The following CNTNAP2 variants were observed in gnomAD, a reference collection of about 807,000 sequenced individuals.
CNTNAP2 encodes the protein contactin-associated protein-like 2.
CNTNAP2 carries 98 observed loss-of-function variants against 155.2 expected under a neutral mutation model. That is an observed-to-expected ratio of 0.63 (90% CI 0.54 to 0.75). The LOEUF (loss-of-function observed/expected upper bound fraction) is 0.75, where lower values mean the gene tolerates loss of function less well. Among genes scored for constraint, CNTNAP2 ranks in the 30% least tolerant of loss-of-function variants. The probability of loss-of-function intolerance (pLI) is 0.00; values close to 1 mark genes in which losing one functional copy is unlikely to be tolerated. For missense variants in CNTNAP2, 1,727 were observed against 1,688.1 expected, an observed-to-expected ratio of 1.02 and a Z score of -0.40; for synonymous variants, 651 against 631.2, an observed-to-expected ratio of 1.03 and a Z score of -0.47.
intron 4 of CNTNAP2, among the ~76,000 whole-genome samples, chr7:147,099,622 A>C (rs1800615496): frequency 6.6e-6 from 1 of 152,200 alleles, no homozygotes; most frequent in East Asian, 1.9e-4. Context: ...ATATAGTATC[A>C]AAATTTGGAC....
chr7:147,257,787 A>G (rs1804366118), intron 8 of CNTNAP2, among the ~76,000 whole-genome samples: 1 of 152,244 alleles, frequency 6.6e-6, no homozygotes, highest in Non-Finnish European at 1.5e-5. Context: ...ATGACTCACT[A>G]TAGAATCCAG....
intron 1 of CNTNAP2, among the ~76,000 whole-genome samples, chr7:146,587,824 G>A (rs533354236): frequency 2.9e-4 from 44 of 151,942 alleles, no homozygotes; most frequent in Admixed American, 7.2e-4. Context: ...ACAGGTGCAC[G>A]CCACCATGCC....
intron 1 of CNTNAP2, among the ~76,000 whole-genome samples, chr7:146,271,415 T>A (rs1304838024): frequency 6.6e-6 from 1 of 151,988 alleles, no homozygotes; most frequent in Non-Finnish European, 1.5e-5. Context: ...TTTTACAAAT[T>A]TCTGTAATAT....
intron 3 of CNTNAP2, among the ~76,000 whole-genome samples, chr7:146,859,731 C>G (rs146169624): frequency 6.6e-6 from 1 of 152,114 alleles, no homozygotes; most frequent in Non-Finnish European, 1.5e-5. Flanking sequence ...AATTCCACCT[C>G]CAACCCAACT....
At chr7:148,122,866 G>A (rs75361700) in intron 16 of CNTNAP2, among the ~76,000 whole-genome samples, 2,267 of 149,038 alleles carry the variant, frequency 0.015, 75 homozygotes, top group African/African-American at 0.054. Context: ...AAAAAAAAAA[G>A]AAAAAAAAAG....
intron 1 of CNTNAP2, among the ~76,000 whole-genome samples, chr7:146,732,598 A>T (rs557287737): frequency 6.6e-6 from 1 of 152,106 alleles, no homozygotes; most frequent in Non-Finnish European, 1.5e-5. Flanking sequence ...TCTGTTCCAG[A>T]TGATAGATTT....
chr7:147,255,073 A>G (rs1354192349), intron 8 of CNTNAP2, among the ~76,000 whole-genome samples: 2 of 152,244 alleles, frequency 1.3e-5, no homozygotes, highest in African/African-American at 4.8e-5. Flanking sequence ...AAGTGTGCAT[A>G]GATAATGATC....
intron 12 of CNTNAP2, among the ~76,000 whole-genome samples, chr7:147,638,137 A>G (rs1795211877): frequency 6.6e-6 from 1 of 152,152 alleles, no homozygotes; most frequent in South Asian, 2.1e-4. Context: ...ATTCTTGTTG[A>G]TGTTCAGATT....
intron 8 of CNTNAP2, among the ~76,000 whole-genome samples, chr7:147,194,683 G>A (rs1247946664): frequency 2.2e-4 from 34 of 152,130 alleles, no homozygotes; most frequent in Admixed American, 2.2e-3. Flanking sequence ...CAGTGACGTT[G>A]AGCTTTTTTT....
At chr7:148,279,749 T>TC (rs1796939645) in intron 21 of CNTNAP2, among the ~76,000 whole-genome samples, 1 of 152,084 alleles carries the variant, frequency 6.6e-6, no homozygotes, top group Non-Finnish European at 1.5e-5. Context: ...AGAATATATC[T>TC]CCATTATAAA....
intron 1 of CNTNAP2, among the ~76,000 whole-genome samples, chr7:146,652,801 A>T (rs1394011860): frequency 2.0e-5 from 3 of 152,164 alleles, no homozygotes; most frequent in Non-Finnish European, 4.4e-5. Context: ...TTGATTTGAC[A>T]TTATAATTTT....
At chr7:148,346,709 T>A (rs1798332802) in intron 21 of CNTNAP2, among the ~76,000 whole-genome samples, 1 of 150,358 alleles carries the variant, frequency 6.7e-6, no homozygotes, top group East Asian at 2.0e-4. Context: ...GAGGCGGAGG[T>A]TGCAGTTAGC....
At chr7:148,305,398 A>C (rs1171074448) in intron 21 of CNTNAP2, among the ~76,000 whole-genome samples, 1 of 152,174 alleles carries the variant, frequency 6.6e-6, no homozygotes, top group East Asian at 1.9e-4. Flanking sequence ...CAGCCAATAT[A>C]AGAGGAACTC....
intron 9 of CNTNAP2, among the ~76,000 whole-genome samples, chr7:147,375,600 G>A (rs771043877): frequency 1.3e-5 from 2 of 151,948 alleles, no homozygotes; most frequent in African/African-American, 2.4e-5. Flanking sequence ...ACATTCTGCC[G>A]CTTTTCATGA....
chr7:146,333,857 T>C (rs993861435), intron 1 of CNTNAP2, among the ~76,000 whole-genome samples: 3 of 152,156 alleles, frequency 2.0e-5, no homozygotes, highest in Non-Finnish European at 4.4e-5. Flanking sequence ...TGTACTAGAC[T>C]GAAGAAATAT....
At chr7:146,770,294 TTATATA>T (rs200004308) in intron 1 of CNTNAP2, among the ~76,000 whole-genome samples, 2 of 143,856 alleles carry the variant, frequency 1.4e-5, no homozygotes, top group East Asian at 2.0e-4. Flanking sequence ...CGAAATGGAA[TTATATA>T]TATATATGTG....
At chr7:146,918,385 G>A (rs947765545) in intron 3 of CNTNAP2, among the ~76,000 whole-genome samples, 3 of 151,916 alleles carry the variant, frequency 2.0e-5, no homozygotes, top group Non-Finnish European at 4.4e-5. Context: ...TGGTAGTAGT[G>A]AATTCTTTCA....
intron 23 of CNTNAP2, among the ~76,000 whole-genome samples, chr7:148,413,581 G>T (rs57792310): frequency 1.3e-5 from 2 of 149,908 alleles, no homozygotes; most frequent in African/African-American, 2.5e-5. Flanking sequence ...ATATCATTAG[G>T]TAATGCTTGT....
chr7:147,462,790 T>G (rs1339919153), intron 10 of CNTNAP2, among the ~76,000 whole-genome samples: 2 of 152,262 alleles, frequency 1.3e-5, no homozygotes, highest in East Asian at 1.9e-4. Context: ...TGTTTGTTGG[T>G]TTTTTTGAGA....
Sources: allele counts gnomAD v4.1 joint callset (sites outside exome capture counted in the v4.1 genomes callset), GRCh38; gene constraint gnomAD v4.1.1; transcripts MANE v1.5; gene names NCBI Gene and HGNC (gene_info 2026-07-23, HGNC 2026-07-21).